CUX1: variants seen among roughly 807,000 people sequenced by gnomAD.
CUX1 encodes the protein cut like homeobox 1.
Under a neutral mutation model 158.8 loss-of-function variants are expected in CUX1, and 31 were observed. That is an observed-to-expected ratio of 0.20 (90% CI 0.15 to 0.26). CUX1 has a LOEUF of 0.26. CUX1 is among the 10% of genes least tolerant of loss of function. CUX1 has a pLI of 1.00. For missense variants in CUX1, 1,589 were observed against 2,014.6 expected, an observed-to-expected ratio of 0.79 and a Z score of 4.04; for synonymous variants, 879 against 862.1, an observed-to-expected ratio of 1.02 and a Z score of -0.34.
At chr7:101,820,112 G>C (rs1396281756) in intron 1 of CUX1, among the ~76,000 whole-genome samples, 1 of 152,212 alleles carries the variant, frequency 6.6e-6, no homozygotes, top group African/African-American at 2.4e-5. Flanking sequence ...TCCCTTCTGG[G>C]TCTACCTGTA....
At chr7:102,008,170 G>T (rs1186077153) in intron 2 of CUX1, among the ~76,000 whole-genome samples, 1 of 152,140 alleles carries the variant, frequency 6.6e-6, no homozygotes, top group Non-Finnish European at 1.5e-5. Flanking sequence ...ACTACCTTTT[G>T]CATGGTTGGT....
At chr7:101,893,157 A>ATTTTTTTTTTT (rs1801070220) in intron 1 of CUX1, among the ~76,000 whole-genome samples, 1 of 43,488 alleles carries the variant, frequency 2.3e-5, no homozygotes, top group Non-Finnish European at 5.4e-5. Context: ...TATTTTTATT[A>ATTTTTTTTTTT]CTTTTTTTTT....
In CUX1 at chr7:102,254,652, T is replaced by C. The variant is rs782754871; in HGVS notation, c.*5610T>C. 1.2e-4 allele frequency: 117 copies of C among 985,404 alleles called. 1 individual carries two copies. The Middle Eastern group carries it at 4.2e-3, about 35-fold the overall frequency. 61.0% of individuals were successfully genotyped at this position (985,404 alleles called of 1,614,324 possible). On this transcript the variant is annotated 3_prime_UTR_variant, in exon 24 of 24. Coordinates refer to ENST00000292535, the MANE Select transcript of CUX1 (RefSeq NM_181552.4). ...TGCTTGGGCATTGACCAGCCAAAGC[T>C]CACATTTAGAAAGCCCTCAGTGCTT...
chr7:101,887,581 T>A (rs1386013414), intron 1 of CUX1, among the ~76,000 whole-genome samples: 1 of 152,158 alleles, frequency 6.6e-6, no homozygotes, highest in Non-Finnish European at 1.5e-5. Flanking sequence ...AGTGCTGGGA[T>A]TACAGACATG....
At chr7:101,948,105 G>A (rs1808612001) in intron 2 of CUX1, among the ~76,000 whole-genome samples, 1 of 152,132 alleles carries the variant, frequency 6.6e-6, no homozygotes, top group African/African-American at 2.4e-5. Context: ...AGCCAGATTC[G>A]GCCAGGCGCC....
chr7:102,160,593 G>A (rs782172242), intron 9 of CUX1, among the ~76,000 whole-genome samples: 16 of 152,056 alleles, frequency 1.1e-4, no homozygotes, highest in South Asian at 2.1e-4. Flanking sequence ...TGGCCTTGAC[G>A]GGTCTCTTAA....
intron 6 of CUX1, among the ~76,000 whole-genome samples, chr7:102,109,468 G>A (rs1830677240): frequency 6.6e-6 from 1 of 152,084 alleles, no homozygotes. Context: ...TTTTTGTTGG[G>A]AAGTTTTTCA....
intron 1 of CUX1, among the ~76,000 whole-genome samples, chr7:101,823,266 A>C (rs1792877768): frequency 6.6e-6 from 1 of 152,120 alleles, no homozygotes; most frequent in Non-Finnish European, 1.5e-5. Context: ...ACATAATCAC[A>C]CAGGTGACTG....
At chr7:101,958,844 C>CT (rs10667965) in intron 2 of CUX1, among the ~76,000 whole-genome samples, 25,114 of 65,788 alleles carry the variant, frequency 0.38, 8,219 homozygotes, top group Non-Finnish European at 0.49. Context: ...AGATGATGCC[C>CT]TTTTTTTTTT....
intron 8 of CUX1, among the ~76,000 whole-genome samples, chr7:102,118,992 C>T (rs1363093274): frequency 1.3e-5 from 2 of 152,260 alleles, no homozygotes; most frequent in African/African-American, 4.8e-5. Flanking sequence ...CCTCATGATT[C>T]GCCCACCTCA....
chr7:102,280,047 G>A, exon 19 of CUX1: 1 of 1,607,836 alleles, frequency 6.2e-7, no homozygotes, highest in Non-Finnish European at 8.5e-7. Flanking sequence ...GGCAGCGGCA[G>A]TGATGACACG....
intron 5 of CUX1, among the ~76,000 whole-genome samples, chr7:102,102,781 C>T (rs1585682055): frequency 6.6e-6 from 1 of 152,322 alleles, no homozygotes; most frequent in East Asian, 1.9e-4. Context: ...TAAGAGCTCC[C>T]CTCTCTTGGG....
intron 2 of CUX1, among the ~76,000 whole-genome samples, chr7:101,933,535 C>CT (rs999139620): frequency 8.7e-4 from 133 of 152,134 alleles, no homozygotes; most frequent in African/African-American, 3.1e-3. Flanking sequence ...GCTTTTCTTT[C>CT]TTTTTTTCAA....
chr7:102,167,613 C>A lies in CUX1; in HGVS notation c.724-2833C>A, dbSNP rs112222435. Among the ~76,000 whole-genome samples the A allele has an allele frequency of 1.1e-3, 170 of 152,332 alleles. 1 individual carries two copies. Among genetic ancestry groups the A allele is most frequent in the African/African-American group, 3.9e-3 (161 of 41,566 alleles). ...CCAGGAGAAATATCTCCAAATACAT[C>A]TTATTCCAGGCAGAGTCTTAGATAT... On this transcript the variant is annotated intron_variant, in intron 9 of 23. Coordinates refer to ENST00000292535, the MANE Select transcript of CUX1 (RefSeq NM_181552.4).
rs373695553 is a variant in CUX1, at chr7:102,000,226, A to AAG, written c.142-27856_142-27855dup. Among the ~76,000 whole-genome samples the AAG allele has an allele frequency of 2.7e-4, 41 of 150,748 alleles. No homozygotes were observed. The Middle Eastern group carries it at 0.014, about 50-fold the overall frequency. On this transcript the variant is annotated intron_variant, in intron 2 of 23. Coordinates refer to ENST00000292535, the MANE Select transcript of CUX1 (RefSeq NM_181552.4). ...AGCAAAACTCTATCTCAAAAAAAAA[A>AAG]AGAGAGAGAGAGAGAGACCCTAGTT...
intron 1 of CUX1, among the ~76,000 whole-genome samples, chr7:101,836,467 C>T (rs1487536372): frequency 6.6e-6 from 1 of 151,986 alleles, no homozygotes; most frequent in Non-Finnish European, 1.5e-5. Flanking sequence ...CCGCGGTCCT[C>T]CCTTCCCCCA....
At chr7:101,927,881 G>A (rs546398837) in intron 2 of CUX1, among the ~76,000 whole-genome samples, 2 of 152,312 alleles carry the variant, frequency 1.3e-5, no homozygotes, top group Admixed American at 1.3e-4. Flanking sequence ...GCCCAGGGGC[G>A]GCGGGTGGCA....
rs1554542134 is a variant in CUX1 at position 102,256,622 on chromosome 7, A to T, written c.*7580A>T. The T allele has an allele frequency of 1.0e-6, 1 of 985,314 alleles. No individual in the cohort carries two copies. The highest frequency in any genetic ancestry group is 1.7e-5 in the African/African-American group (1 of 57,226). The allele number at this position is 985,314 out of a possible 1,614,324, so 61.0% of individuals were successfully genotyped here. Reference sequence around the variant, plus strand: ...AATGAGAGTGTTTATGAACAAAAAAATTTACCAACGTGTGAGGGAGTTGCT... The same window carrying T: ...AATGAGAGTGTTTATGAACAAAAAATTTTACCAACGTGTGAGGGAGTTGCT... On this transcript the variant is annotated 3_prime_UTR_variant, in exon 24 of 24. Transcript: ENST00000292535.
At chr7:102,060,139 G>A (rs983234118) in intron 3 of CUX1, among the ~76,000 whole-genome samples, 5 of 151,928 alleles carry the variant, frequency 3.3e-5, no homozygotes, top group South Asian at 2.1e-4. Context: ...GTAGCTGGGC[G>A]TGGTAGTGGG....
Sources: allele counts gnomAD v4.1 joint callset (sites outside exome capture counted in the v4.1 genomes callset), GRCh38; gene constraint gnomAD v4.1.1; transcripts MANE v1.5; gene names NCBI Gene and HGNC (gene_info 2026-07-23, HGNC 2026-07-21).